TUNAR: variants seen among roughly 807,000 people sequenced by gnomAD.
TUNAR encodes the protein transmembrane neural differentiation associated intracellular calcium regulator.
At position 95,921,584 on chromosome 14, in the gene TUNAR, T is replaced by C. The variant is rs372260732; in HGVS notation, c.13-1197T>C. Among the ~76,000 whole-genome samples, 10 of 152,344 alleles carry C rather than the reference T, an allele frequency of 6.6e-5. No individual in the cohort carries two copies. The South Asian group carries it at 1.2e-3, about 19-fold the overall frequency. ...ATACAAAAAGAGTAGCTGGAAGATA[T>C]GCCTGCAGTTTAAAGGAACAGTTTA... On this transcript the variant is annotated intron_variant, in intron 2 of 2. Coordinates refer to ENST00000678517, the Ensembl canonical transcript of TUNAR.
chr14:95,880,996 A>G (rs1888970124), intron 2 of TUNAR, among the ~76,000 whole-genome samples: 2 of 152,166 alleles, frequency 1.3e-5, no homozygotes, highest in African/African-American at 2.4e-5. Flanking sequence ...AGAACCATGC[A>G]ATGTTTTAAA....
intron 2 of TUNAR, among the ~76,000 whole-genome samples, chr14:95,884,818 C>G (rs114988956): frequency 6.6e-6 from 1 of 152,146 alleles, no homozygotes; most frequent in African/African-American, 2.4e-5. Context: ...GTTGTATCTC[C>G]GACTGCCGCT....
intron 2 of TUNAR, among the ~76,000 whole-genome samples, chr14:95,904,236 G>T (rs200671626): frequency 2.4e-4 from 36 of 152,284 alleles, no homozygotes; most frequent in East Asian, 7.7e-4. Flanking sequence ...TGGCTCCTGT[G>T]GGGGGGCCTG....
intron 2 of TUNAR, among the ~76,000 whole-genome samples, chr14:95,885,326 A>G (rs140819292): frequency 0.01 from 1,540 of 152,290 alleles, 14 homozygotes; most frequent in Non-Finnish European, 0.014. Context: ...TGGAGGATGA[A>G]AGTAGAGATG....
chr14:95,878,000 G>A (rs1305614769), intron 2 of TUNAR, among the ~76,000 whole-genome samples: 1 of 152,242 alleles, frequency 6.6e-6, no homozygotes, highest in Admixed American at 6.5e-5. Flanking sequence ...CCTCAGAACT[G>A]CATCCTTAAC....
chr14:95,918,769 G>A (rs1208542874), intron 2 of TUNAR, among the ~76,000 whole-genome samples: 1 of 152,210 alleles, frequency 6.6e-6, no homozygotes, highest in Non-Finnish European at 1.5e-5. Flanking sequence ...CTCCATGACA[G>A]GCGCTTTGTT....
intron 2 of TUNAR, among the ~76,000 whole-genome samples, chr14:95,888,990 G>A (rs1270630739): frequency 1.3e-5 from 2 of 152,200 alleles, no homozygotes; most frequent in Non-Finnish European, 2.9e-5. Flanking sequence ...GAAGCACTAC[G>A]GGCCCCGTGA....
At chr14:95,885,065 G>A (rs936424931) in intron 2 of TUNAR, among the ~76,000 whole-genome samples, 2 of 152,184 alleles carry the variant, frequency 1.3e-5, no homozygotes, top group Non-Finnish European at 2.9e-5. Context: ...GATCTGTGGG[G>A]TCTCTCAGAT....
chr14:95,908,474 G>A (rs1211504469), intron 2 of TUNAR, among the ~76,000 whole-genome samples: 3 of 152,234 alleles, frequency 2.0e-5, no homozygotes, highest in Non-Finnish European at 4.4e-5. Context: ...TCAAGGAAAG[G>A]CAGATGCTGG....
intron 2 of TUNAR, among the ~76,000 whole-genome samples, chr14:95,917,421 A>C (rs577442285): frequency 6.6e-6 from 1 of 152,298 alleles, no homozygotes; most frequent in African/African-American, 2.4e-5. Flanking sequence ...ATGCCCTATG[A>C]GGCAGATCTC....
intron 2 of TUNAR, among the ~76,000 whole-genome samples, chr14:95,877,614 CACAAGGTTAGGAA>C (rs1888909923): frequency 6.6e-6 from 1 of 152,142 alleles, no homozygotes; most frequent in African/African-American, 2.4e-5. Context: ...TAATCAAGGT[CACAAGGTTAGGAA>C]GTGGGAGACC....
At position 95,895,321 on chromosome 14, in the gene TUNAR, C is replaced by G. The variant is rs1242691967; in HGVS notation, c.12+18144C>G. Among the ~76,000 whole-genome samples the G allele has an allele frequency of 1.3e-5, 2 of 152,144 alleles. No homozygotes were observed. Among genetic ancestry groups the G allele is most frequent in the African/African-American group, 4.8e-5 (2 of 41,428 alleles). On this transcript the variant is annotated intron_variant, in intron 2 of 2. Coordinates refer to ENST00000678517, the Ensembl canonical transcript of TUNAR. This position sits in a 1 kb window ranked among gnomAD's most constrained non-coding sequence, Gnocchi z 4.5. ...TGGGCAAGATAGAAAGATCTGCCTG[C>G]TGGTTTGATAGAGTGAGGGAAGTGT...
chr14:95,913,520 C>T (rs942452303), intron 2 of TUNAR, among the ~76,000 whole-genome samples: 2 of 152,126 alleles, frequency 1.3e-5, no homozygotes, highest in East Asian at 3.8e-4. Context: ...TTTTTCATTC[C>T]GCAATTTACT....
chr14:95,908,433 A>G (rs1288290296), intron 2 of TUNAR, among the ~76,000 whole-genome samples: 1 of 152,208 alleles, frequency 6.6e-6, no homozygotes, highest in African/African-American at 2.4e-5. Context: ...TCTGTCAGGC[A>G]AAGTGCGTCC....
At chr14:95,885,203 A>G (rs1413718588) in intron 2 of TUNAR, among the ~76,000 whole-genome samples, 1 of 152,192 alleles carries the variant, frequency 6.6e-6, no homozygotes. Flanking sequence ...CAGATGCCTT[A>G]CCTTGAATCG....
In TUNAR at chr14:95,879,100, A is replaced by T. The variant is rs942233671; in HGVS notation, c.12+1923A>T. Among the ~76,000 whole-genome samples, 8 of 152,264 alleles carry T rather than the reference A, an allele frequency of 5.3e-5. No homozygotes were observed. In the Middle Eastern group the frequency reaches 0.01, roughly 196 times the overall value. On this transcript the variant is annotated intron_variant, in intron 2 of 2. Coordinates refer to ENST00000678517, the Ensembl canonical transcript of TUNAR. ...TGGGACAGGGAAGGTGGGCTGAAGG[A>T]TGTTCAGACCCTGAGTTAGTTTTTG...
chr14:95,898,051 G>A (rs1355422295), intron 2 of TUNAR, among the ~76,000 whole-genome samples: 1 of 151,988 alleles, frequency 6.6e-6, no homozygotes. Flanking sequence ...GGTCATCTTG[G>A]GCTCACCGTC....
At chr14:95,888,825 T>A (rs1033085667) in intron 2 of TUNAR, among the ~76,000 whole-genome samples, 1 of 151,902 alleles carries the variant, frequency 6.6e-6, no homozygotes, top group African/African-American at 2.4e-5. Context: ...GCAGTTAGAC[T>A]CCATCCTTTG....
At chr14:95,904,781 G>A (rs1021026241) in intron 2 of TUNAR, among the ~76,000 whole-genome samples, 1 of 152,202 alleles carries the variant, frequency 6.6e-6, no homozygotes, top group Admixed American at 6.5e-5. Context: ...TCCAGGAGGT[G>A]GAGGGGCTGC....
Sources: gnomAD v4.1 joint callset for allele counts (sites outside exome capture counted in the v4.1 genomes callset) on GRCh38, gnomAD v4.1.1 for gene constraint, Gnocchi (gnomAD v3.1) non-coding constraint, MANE v1.5 for transcripts, NCBI Gene and HGNC (gene_info 2026-07-23, HGNC 2026-07-21) for gene names.